STPG2: variants seen among roughly 807,000 people sequenced by gnomAD.
STPG2 encodes the protein sperm tail PG-rich repeat containing 2.
Under a neutral mutation model 54.2 loss-of-function variants are expected in STPG2, and 56 were observed. The ratio of observed to expected loss-of-function variants is 1.03; its 90% CI spans 0.83 to 1.29. The LOEUF (loss-of-function observed/expected upper bound fraction) is 1.29. Ranked by LOEUF, STPG2 falls within the 50% of genes most tolerant of loss-of-function variation. The pLI is 0.00. For missense variants in STPG2, 596 were observed against 544.9 expected (o/e 1.09, Z -0.93); for synonymous variants, 200 against 181.8 (o/e 1.10, Z -0.81).
At chr4:97,811,258 A>G (rs1015016277) in intron 9 of STPG2, among the ~76,000 whole-genome samples, 1 of 152,128 alleles carries the variant, frequency 6.6e-6, no homozygotes, top group Admixed American at 6.6e-5. Context: ...CTAAATTATC[A>G]GTTCCCTACA....
intron 4 of STPG2, among the ~76,000 whole-genome samples, chr4:97,479,361 C>T (rs561940273): frequency 2.0e-5 from 3 of 152,000 alleles, no homozygotes; most frequent in Admixed American, 6.5e-5. Context: ...AGCATGACAA[C>T]CTTATTCTCA....
chr4:97,997,426 G>A (rs559679605), intron 5 of STPG2, among the ~76,000 whole-genome samples: 1 of 152,266 alleles, frequency 6.6e-6, no homozygotes, highest in South Asian at 2.1e-4. Flanking sequence ...GAGCAATGGG[G>A]AAGGTGTTAC....
chr4:97,604,708 T>A (rs1733550822), intron 10 of STPG2, among the ~76,000 whole-genome samples: 1 of 151,752 alleles, frequency 6.6e-6, no homozygotes, highest in Non-Finnish European at 1.5e-5. Context: ...GAGAGATAAA[T>A]TTGTTAATAA....
chr4:98,039,494 A>T (rs1416786605), intron 5 of STPG2, among the ~76,000 whole-genome samples: 1 of 113,478 alleles, frequency 8.8e-6, no homozygotes, highest in Non-Finnish European at 1.9e-5. Flanking sequence ...CAAGAAATAC[A>T]TATATATATA....
At chr4:97,644,149 G>A (rs557520442) in intron 10 of STPG2, among the ~76,000 whole-genome samples, 5 of 151,906 alleles carry the variant, frequency 3.3e-5, no homozygotes, top group South Asian at 4.2e-4. Context: ...AAAACAAATA[G>A]AGCTTTAGGA....
At chr4:97,613,041 T>C (rs564184863) in intron 10 of STPG2, among the ~76,000 whole-genome samples, 1 of 152,276 alleles carries the variant, frequency 6.6e-6, no homozygotes, top group Admixed American at 6.6e-5. Context: ...TTTGATCTAT[T>C]ACTTCTCCTA....
intron 9 of STPG2, among the ~76,000 whole-genome samples, chr4:97,738,098 A>G (rs1483424184): frequency 1.3e-5 from 2 of 152,222 alleles, no homozygotes; most frequent in Non-Finnish European, 2.9e-5. Context: ...AGAATTTCAT[A>G]TCCAGCCAAA....
At chr4:98,031,077 CA>C (rs1484173737) in intron 5 of STPG2, among the ~76,000 whole-genome samples, 1 of 152,112 alleles carries the variant, frequency 6.6e-6, no homozygotes, top group Admixed American at 6.6e-5. Context: ...ACCAATGGAA[CA>C]GAATAGAGAA....
intron 9 of STPG2, 66 bp from the exon 10 acceptor site, chr4:97,712,880 G>T: frequency 9.0e-7 from 1 of 1,113,368 alleles, no homozygotes; most frequent in Non-Finnish European, 1.3e-6. Flanking sequence ...TTGGTCATAT[G>T]AATATTAGGT....
At chr4:97,680,777 TC>T (rs1723008538) in intron 10 of STPG2, among the ~76,000 whole-genome samples, 1 of 142,856 alleles carries the variant, frequency 7.0e-6, no homozygotes, top group Non-Finnish European at 1.5e-5. Context: ...GTCTGTCTTA[TC>T]AGAAAAGGTA....
At chr4:98,128,053 CATGTGACTGGCTAT>C (rs1472843294) in intron 3 of STPG2, among the ~76,000 whole-genome samples, 1 of 152,088 alleles carries the variant, frequency 6.6e-6, no homozygotes, top group African/African-American at 2.4e-5. Context: ...TAAGTATGGC[CATGTGACTGGCTAT>C]AGCTCCAAGC....
chr4:97,531,384 C>T (rs1731410647), intron 4 of STPG2, among the ~76,000 whole-genome samples: 1 of 152,170 alleles, frequency 6.6e-6, no homozygotes, highest in South Asian at 2.1e-4. Context: ...GAAATTAGTA[C>T]ACTGAAGAGA....
At chr4:98,101,559 C>T (rs1017103289) in intron 5 of STPG2, among the ~76,000 whole-genome samples, 1 of 152,062 alleles carries the variant, frequency 6.6e-6, no homozygotes, top group Non-Finnish European at 1.5e-5. Context: ...AGCCAGAAAA[C>T]TGGCCAGTCA....
At chr4:97,639,002 C>A (rs913042583) in intron 10 of STPG2, among the ~76,000 whole-genome samples, 2 of 151,730 alleles carry the variant, frequency 1.3e-5, no homozygotes, top group Non-Finnish European at 2.9e-5. Flanking sequence ...TGGGTATATA[C>A]CCAAAGGACT....
chr4:97,979,317 T>C (rs1270144818), intron 6 of STPG2, among the ~76,000 whole-genome samples: 6 of 152,022 alleles, frequency 3.9e-5, no homozygotes, highest in Non-Finnish European at 7.4e-5. Context: ...CAGAAAATCA[T>C]TCCCCCCAGA....
At chr4:98,037,684 A>G (rs1330746945) in intron 5 of STPG2, among the ~76,000 whole-genome samples, 1 of 152,122 alleles carries the variant, frequency 6.6e-6, no homozygotes. Context: ...ATTAAAAAAG[A>G]ATATTCAAAG....
intron 4 of STPG2, among the ~76,000 whole-genome samples, chr4:97,490,858 T>A (rs1158188208): frequency 6.6e-6 from 1 of 151,540 alleles, no homozygotes; most frequent in Non-Finnish European, 1.5e-5. Context: ...TAAACACCAG[T>A]CATTGGCAAA....
chr4:97,636,627 C>T (rs1311296993), intron 10 of STPG2, among the ~76,000 whole-genome samples: 2 of 150,938 alleles, frequency 1.3e-5, no homozygotes, highest in African/African-American at 2.4e-5. Flanking sequence ...AGAGAAGAAT[C>T]AAATAGATGC....
intron 8 of STPG2, among the ~76,000 whole-genome samples, chr4:97,934,653 A>T (rs1482933581): frequency 1.3e-5 from 2 of 152,152 alleles, no homozygotes; most frequent in African/African-American, 4.8e-5. Flanking sequence ...TTATGTGATG[A>T]ATTACACTTA....
Sources: allele counts gnomAD v4.1 joint callset (sites outside exome capture counted in the v4.1 genomes callset), GRCh38; gene constraint gnomAD v4.1.1; transcripts MANE v1.5; gene names NCBI Gene and HGNC (gene_info 2026-07-23, HGNC 2026-07-21).